Variants in KAT6B observed in about 807,000 individuals in gnomAD.
KAT6B encodes the protein histone acetyltransferase KAT6B.
In KAT6B, 10 loss-of-function variants were observed where a neutral mutation model predicts 187.5. The ratio of observed to expected loss-of-function variants is 0.05; its 90% CI spans 0.03 to 0.09. The LOEUF (loss-of-function observed/expected upper bound fraction) is 0.09, where lower values mean the gene tolerates loss of function less well. Among genes scored for constraint, KAT6B ranks in the 10% least tolerant of loss-of-function variants. The pLI is 1.00. For missense variants in KAT6B, 1,952 were observed against 2,558.9 expected, an observed-to-expected ratio of 0.76 and a Z score of 5.12; for synonymous variants, 861 against 926.8, an observed-to-expected ratio of 0.93 and a Z score of 1.29.
Position 74,989,119 on chromosome 10 carries a change from G to GA in KAT6B, c.2629+9dup, listed in dbSNP as rs1842977085. On this transcript the variant is annotated splice_region_variant and intron_variant, in intron 13 of 17. Transcript: ENST00000287239. Reference sequence around the variant, plus strand: ...CGGTTTCTCATTGATTTCAGTAAGTGAAGTACTTTATTTACTTTCATGATC... The same window carrying GA: ...CGGTTTCTCATTGATTTCAGTAAGTGAAAGTACTTTATTTACTTTCATGATC... 1.3e-6 allele frequency: 2 copies of GA among 1,586,014 alleles called. No individual in the cohort carries two copies. The highest frequency in any genetic ancestry group is 4.5e-5 in the East Asian group (2 of 44,760).
At chr10:74,936,096 G>A (rs2133228827) in intron 3 of KAT6B, among the ~76,000 whole-genome samples, 1 of 152,162 alleles carries the variant, frequency 6.6e-6, no homozygotes, top group Non-Finnish European at 1.5e-5. Flanking sequence ...TTTGTTGCTT[G>A]TAAATAATCT....
intron 14 of KAT6B, 27 bp from the exon 15 acceptor site, chr10:75,021,099 A>G (rs758939593): frequency 6.2e-7 from 1 of 1,609,710 alleles, no homozygotes; most frequent in Non-Finnish European, 8.5e-7. Context: ...TTGTGATTAC[A>G]TCTTGTTCTG....
Position 74,922,879 on chromosome 10 carries a change from G to A in KAT6B, c.622-37091G>A, listed in dbSNP as rs553795206. Reference sequence around the variant, plus strand: ...TTTTTAAAGAATAAAAGTGAGCCAGGTTTAAAACTTGTTAAGAAAATAATA... The same window carrying A: ...TTTTTAAAGAATAAAAGTGAGCCAGATTTAAAACTTGTTAAGAAAATAATA... On this transcript the variant is annotated intron_variant, in intron 3 of 17. Transcript: ENST00000287239. Among the ~76,000 whole-genome samples the A allele has an allele frequency of 4.2e-3, 632 of 152,242 alleles. 6 individuals are homozygous for A. Among genetic ancestry groups the A allele is most frequent in the African/African-American group, 0.014 (596 of 41,530 alleles).
chr10:75,000,065 A>C (rs760266314), intron 13 of KAT6B, among the ~76,000 whole-genome samples: 3 of 151,756 alleles, frequency 2.0e-5, no homozygotes, highest in Non-Finnish European at 2.9e-5. Context: ...CCAGCTACTC[A>C]AGAGGCTGAG....
intron 3 of KAT6B, among the ~76,000 whole-genome samples, chr10:74,922,121 CTT>C (rs909720465): frequency 6.6e-6 from 1 of 151,274 alleles, no homozygotes; most frequent in African/African-American, 2.4e-5. Flanking sequence ...CTAACTGAGT[CTT>C]TTTCTTAAAA....
Position 74,843,199 on chromosome 10 carries a change from A to T in KAT6B, c.342A>T (p.Ala114=), listed in dbSNP as rs1324716162. 6.2e-7 allele frequency: 1 copy of T among 1,614,110 alleles called. No homozygotes were observed. Among genetic ancestry groups the T allele is most frequent in the African/African-American group, 1.3e-5 (1 of 74,940 alleles). Residue 114 remains alanine, a synonymous_variant, in exon 3 of 18, where the codon GCA becomes GCT. Transcript: ENST00000287239. ...ATTGGAATAAACTTTTAAGGAGAGCAATTGAAGGACTTGAGGAGCCGAATG... is the reference window on the plus strand; with the variant it reads ...ATTGGAATAAACTTTTAAGGAGAGCTATTGAAGGACTTGAGGAGCCGAATG... ...NVDWNKLLRR[A]IEGLEEPNGS...
At chr10:74,827,890 G>T (rs1462812240) in intron 1 of KAT6B, among the ~76,000 whole-genome samples, 1 of 152,002 alleles carries the variant, frequency 6.6e-6, no homozygotes, top group Non-Finnish European at 1.5e-5. Flanking sequence ...CGAACTCCTG[G>T]CCTCAAGTGA....
At chr10:74,984,978 G>T in intron 11 of KAT6B, 102 bp from the exon 12 acceptor site, 1 of 1,088,730 alleles carries the variant, frequency 9.2e-7, no homozygotes, top group Non-Finnish European at 1.4e-6. Context: ...TTTAGGATTT[G>T]GAAATAAAAT....
At chr10:74,830,750 ATATATATATATATATATATTTTTTTTTTT>A (rs1840725310) in intron 1 of KAT6B, among the ~76,000 whole-genome samples, 2 of 20,738 alleles carry the variant, frequency 9.6e-5, no homozygotes, top group Non-Finnish European at 1.5e-4. Context: ...ATATATATAT[ATATATATATATATATATATTTTTTTTTTT>A]TTTTTTTTTT....
chr10:74,871,185 CTT>C (rs746074814), intron 3 of KAT6B, among the ~76,000 whole-genome samples: 2 of 76,738 alleles, frequency 2.6e-5, no homozygotes, highest in African/African-American at 1.2e-4. Context: ...CAAGCCTGGC[CTT>C]TTTTTTTTTT....
chr10:74,892,429 C>T (rs555267825), intron 3 of KAT6B, among the ~76,000 whole-genome samples: 1 of 152,162 alleles, frequency 6.6e-6, no homozygotes, highest in Non-Finnish European at 1.5e-5. Context: ...AGATTTTCTT[C>T]CTGGATAGTC....
intron 1 of KAT6B, among the ~76,000 whole-genome samples, chr10:74,835,348 C>T (rs1841208798): frequency 6.6e-6 from 1 of 152,200 alleles, no homozygotes; most frequent in Non-Finnish European, 1.5e-5. Context: ...AGTATAGTCA[C>T]AGTTGTTTCC....
chr10:74,966,643 T>C (rs1841492135), intron 4 of KAT6B, among the ~76,000 whole-genome samples: 1 of 152,352 alleles, frequency 6.6e-6, no homozygotes. Flanking sequence ...ATTATGGCTC[T>C]CAAATCTGAT....
At chr10:74,846,631 G>T (rs1842121564) in intron 3 of KAT6B, among the ~76,000 whole-genome samples, 1 of 152,012 alleles carries the variant, frequency 6.6e-6, no homozygotes, top group African/African-American at 2.4e-5. Context: ...TAGAGACGGG[G>T]TTTCACCATG....
chr10:74,843,912 C>T (rs527616117), intron 3 of KAT6B, among the ~76,000 whole-genome samples: 98 of 152,348 alleles, frequency 6.4e-4, no homozygotes, highest in African/African-American at 2.2e-3. Flanking sequence ...CTAGCTCTGT[C>T]GCCTAGGCTG....
intron 11 of KAT6B, chr10:74,983,099 G>A (rs1399963786): frequency 1.3e-5 from 2 of 152,088 alleles, no homozygotes; most frequent in East Asian, 1.9e-4. Flanking sequence ...CAGCTCTTTC[G>A]GTAAGCTTGG....
intron 3 of KAT6B, among the ~76,000 whole-genome samples, chr10:74,877,965 A>G (rs1047415829): frequency 3.9e-5 from 6 of 152,188 alleles, no homozygotes; most frequent in African/African-American, 1.4e-4. Flanking sequence ...TATAAAAAGA[A>G]ACATTTTAAA....
In KAT6B at chr10:75,020,751, G is replaced by A. The variant is rs1226423042; in HGVS notation, c.2799G>A (p.Met933Ile). Residue 933 changes from methionine to isoleucine, a missense_variant, in exon 14 of 18, where the codon ATG becomes ATA. Physicochemically the swap from Met to Ile is conservative, Grantham distance 10 (BLOSUM62 1). Around this residue, in one of 9 missense-constraint regions of KAT6B, gnomAD observed 758 missense variants for 891.4 expected, o/e 0.85. Coordinates refer to ENST00000287239, the MANE Select transcript of KAT6B (RefSeq NM_012330.4). The stretch of plus-strand genomic sequence containing the variant: ...AGGCAATTAGCAGAGCGACGGGCAT[G>A]TGCCCACATGACATTGCCACCACTC... The part of the protein sequence containing the change: ...SIKAISRATG[M>I]CPHDIATTLQ... The A allele has an allele frequency of 1.2e-6, 2 of 1,614,188 alleles. No individual in the cohort carries two copies. Among genetic ancestry groups the A allele is most frequent in the South Asian group, 1.1e-5 (1 of 91,082 alleles).
intron 3 of KAT6B, among the ~76,000 whole-genome samples, chr10:74,902,434 G>A (rs986605722): frequency 7.2e-5 from 11 of 152,240 alleles, no homozygotes; most frequent in African/African-American, 2.6e-4. Flanking sequence ...CAATATAAAT[G>A]CGTGTAGATA....
Sources: gnomAD v4.1 joint callset for allele counts (sites outside exome capture counted in the v4.1 genomes callset) on GRCh38, gnomAD v4.1.1 for gene constraint, gnomAD v4.1.1 regional missense constraint, MANE v1.5 for transcripts, NCBI Gene and HGNC (gene_info 2026-07-23, HGNC 2026-07-21) for gene names.